The following CTDSPL2 variants were observed in gnomAD, a reference collection of about 807,000 sequenced individuals.
CTDSPL2 encodes CTD small phosphatase like 2, also known as CTD small phosphatase-like protein 2.
A neutral mutation model predicts 60.0 loss-of-function variants in CTDSPL2; 5 were observed. That is an observed-to-expected ratio of 0.08 (90% CI 0.04 to 0.18). The LOEUF (loss-of-function observed/expected upper bound fraction) is 0.18, where lower values mean the gene tolerates loss of function less well. Ranked by LOEUF, CTDSPL2 falls within the 10% of genes least tolerant of loss-of-function variation. The pLI, the probability that CTDSPL2 is intolerant of heterozygous loss-of-function variation, is 1.00. For synonymous variants in CTDSPL2, 186 were observed against 189.3 expected, an observed-to-expected ratio of 0.98 and a Z score of 0.14; for missense variants, 370 against 548.8, an observed-to-expected ratio of 0.67 and a Z score of 3.26.
chr15:44,472,706 C>A (rs191399042), intron 2 of CTDSPL2, among the ~76,000 whole-genome samples: 1 of 152,160 alleles, frequency 6.6e-6, no homozygotes, highest in Non-Finnish European at 1.5e-5. Context: ...CACTTTGTCA[C>A]CCGCTGGAGT....
intron 1 of CTDSPL2, among the ~76,000 whole-genome samples, chr15:44,445,589 G>C (rs530524052): frequency 6.6e-6 from 1 of 151,884 alleles, no homozygotes; most frequent in Admixed American, 6.6e-5. Context: ...GTTTCTATCA[G>C]AAGTTTAATT....
intron 10 of CTDSPL2, among the ~76,000 whole-genome samples, chr15:44,516,333 T>C (rs777518001): frequency 4.7e-4 from 72 of 152,306 alleles, no homozygotes; most frequent in South Asian, 2.1e-3. Flanking sequence ...CTAAAGTGTA[T>C]TTTCTGCTGT....
intron 1 of CTDSPL2, among the ~76,000 whole-genome samples, chr15:44,442,952 G>A (rs2080122832): frequency 6.6e-6 from 1 of 152,026 alleles, no homozygotes; most frequent in Non-Finnish European, 1.5e-5. Context: ...ACTCCAGCCT[G>A]GGTGACAGGG....
At chr15:44,521,806 C>T (rs920104733) in intron 12 of CTDSPL2, among the ~76,000 whole-genome samples, 1 of 150,544 alleles carries the variant, frequency 6.6e-6, no homozygotes, top group African/African-American at 2.4e-5. Flanking sequence ...GGCGTGGTAG[C>T]GGGCGCCTGT....
chr15:44,510,431 A>G (rs1006803401), intron 8 of CTDSPL2, among the ~76,000 whole-genome samples: 1 of 152,298 alleles, frequency 6.6e-6, no homozygotes, highest in East Asian at 1.9e-4. Flanking sequence ...ATTTCTTATT[A>G]TGGCTTTAGG....
chr15:44,490,091 C>G (rs923945743), intron 4 of CTDSPL2, among the ~76,000 whole-genome samples: 4 of 152,044 alleles, frequency 2.6e-5, no homozygotes, highest in Admixed American at 2.0e-4. Context: ...TTTAAAATGA[C>G]ATTTGGAAGA....
rs565061001 is a variant in CTDSPL2, at chr15:44,468,038, G to A, written c.186+8838G>A. On this transcript the variant is annotated intron_variant, in intron 2 of 12. Transcript: ENST00000260327. The stretch of plus-strand genomic sequence containing the variant: ...TTGATTTGTAATGTTTTTAAATTTT[G>A]GGATTAAGATTAAGCTGGTGCCATA... 3.9e-5 allele frequency among the ~76,000 whole-genome samples: 6 copies of A among 152,082 alleles called. No individual in the cohort carries two copies. The South Asian group carries it at 1.0e-3, about 26-fold the overall frequency.
chr15:44,462,385 T>C (rs892488054), intron 2 of CTDSPL2, among the ~76,000 whole-genome samples: 2 of 152,184 alleles, frequency 1.3e-5, no homozygotes, highest in African/African-American at 4.8e-5. Context: ...GAAGACAATT[T>C]TTCCAGGGAC....
intron 12 of CTDSPL2, among the ~76,000 whole-genome samples, chr15:44,523,601 G>GTCAT (rs757170800): frequency 2.6e-5 from 4 of 152,114 alleles, no homozygotes; most frequent in Admixed American, 6.6e-5. Context: ...GCAAGACCCT[G>GTCAT]TCATTCATTC....
intron 2 of CTDSPL2, among the ~76,000 whole-genome samples, chr15:44,459,798 A>T (rs908816926): frequency 6.6e-6 from 1 of 152,130 alleles, no homozygotes; most frequent in African/African-American, 2.4e-5. Flanking sequence ...TCAAAGAAAA[A>T]GTTTCTTGTT....
intron 1 of CTDSPL2, among the ~76,000 whole-genome samples, chr15:44,444,553 C>G (rs2080162630): frequency 6.6e-6 from 1 of 151,890 alleles, no homozygotes; most frequent in South Asian, 2.1e-4. Context: ...ACCATGTTGT[C>G]CAGGCTGGTC....
chr15:44,475,638 CAAA>C (rs3041871), intron 2 of CTDSPL2, among the ~76,000 whole-genome samples: 28 of 134,094 alleles, frequency 2.1e-4, no homozygotes, highest in Middle Eastern at 3.9e-3. Flanking sequence ...GACTTCGTCT[CAAA>C]AAAAAAAAAA....
At chr15:44,504,979 C>T (rs2081436091) in intron 8 of CTDSPL2, among the ~76,000 whole-genome samples, 1 of 151,854 alleles carries the variant, frequency 6.6e-6, no homozygotes, top group African/African-American at 2.4e-5. Context: ...GTTATTGGTA[C>T]TAATTTTTTC....
In CTDSPL2 at chr15:44,441,241, C is replaced by T. The variant is rs144901812; in HGVS notation, c.-25+13469C>T. ...GGTAGAGTTTTTTTTTCTTTCACTC[C>T]CCCGCATTCACTTGTGCCTTGCGGG... On this transcript the variant is annotated intron_variant, in intron 1 of 12. Transcript: ENST00000260327. 8.5e-3 allele frequency among the ~76,000 whole-genome samples: 1,301 copies of T among 152,196 alleles called. 9 individuals are homozygous for T. Among genetic ancestry groups the T allele is most frequent in the Non-Finnish European group, 0.014 (932 of 68,008 alleles).
intron 8 of CTDSPL2, among the ~76,000 whole-genome samples, chr15:44,504,318 C>G (rs2140840943): frequency 6.6e-6 from 1 of 152,164 alleles, no homozygotes; most frequent in East Asian, 1.9e-4. Flanking sequence ...CCACTGCACT[C>G]CAGCCTGGGC....
At chr15:44,482,746 G>A (rs1406765585) in intron 2 of CTDSPL2, among the ~76,000 whole-genome samples, 2 of 152,130 alleles carry the variant, frequency 1.3e-5, no homozygotes, top group African/African-American at 4.8e-5. Context: ...CAGAAATAAT[G>A]CAGCAATATC....
At position 44,455,839 on chromosome 15, in the gene CTDSPL2, ATTTTTTTTTTTTTTTTTT is replaced by A. The variant is rs35307134; in HGVS notation, c.-24-3139_-24-3122del. ...TCGGTTTGCCAGTATTTTATTGAGG[ATTTTTTTTTTTTTTTTTT>A]TTTTTTTTTTTTGAGACGGAGTCTC... On this transcript the variant is annotated intron_variant, in intron 1 of 12. Transcript: ENST00000260327. 2.1e-3 allele frequency among the ~76,000 whole-genome samples: 102 copies of A among 47,524 alleles called. 6 individuals are homozygous for A. Among genetic ancestry groups the A allele is most frequent in the Non-Finnish European group, 1.1e-4 (3 of 27,896 alleles). 31.2% of individuals were successfully genotyped at this position (47,524 alleles called of 152,430 possible). A position where few individuals can be genotyped will look rare whatever the true frequency, so the allele number is the denominator to read the frequency against.
At chr15:44,487,271 T>C (rs1168768134) in intron 4 of CTDSPL2, among the ~76,000 whole-genome samples, 1 of 151,952 alleles carries the variant, frequency 6.6e-6, no homozygotes, top group Non-Finnish European at 1.5e-5. Flanking sequence ...CTGGGCAACA[T>C]AGTGAGACCC....
chr15:44,521,168 CAAAG>C (rs1380907207), intron 11 of CTDSPL2, 139 bp from the exon 12 acceptor site: 1 of 479,952 alleles, frequency 2.1e-6, no homozygotes, highest in Non-Finnish European at 3.7e-6. Flanking sequence ...ATTGAGTTGT[CAAAG>C]AAAAGTCTGG....
Sources: allele counts gnomAD v4.1 joint callset (sites outside exome capture counted in the v4.1 genomes callset), GRCh38; gene constraint gnomAD v4.1.1; transcripts MANE v1.5; gene names NCBI Gene and HGNC (gene_info 2026-07-23, HGNC 2026-07-21).